The following CNTN3 variants were observed in gnomAD, a reference collection of about 807,000 sequenced individuals.
CNTN3 encodes contactin-3.
In CNTN3, 60 loss-of-function variants were observed where a neutral mutation model predicts 119.1. That is an observed-to-expected ratio of 0.50 (90% CI 0.41 to 0.62). CNTN3 has a LOEUF of 0.62. Ranked by LOEUF, CNTN3 falls within the 20% of genes least tolerant of loss-of-function variation. The pLI, the probability that CNTN3 is intolerant of heterozygous loss-of-function variation, is 0.00. For synonymous variants in CNTN3, 450 were observed against 438.7 expected, an observed-to-expected ratio of 1.03 and a Z score of -0.32; for missense variants, 1,101 against 1,242.4, an observed-to-expected ratio of 0.89 and a Z score of 1.71.
chr3:74,551,337 AGT>A (rs1290042128), intron 1 of CNTN3, among the ~76,000 whole-genome samples: 2 of 152,132 alleles, frequency 1.3e-5, no homozygotes, highest in Admixed American at 6.5e-5. Flanking sequence ...TTTTTAGTGG[AGT>A]GTTAGGTTTC....
intron 4 of CNTN3, among the ~76,000 whole-genome samples, chr3:74,469,766 C>T (rs145102542): frequency 1.7e-3 from 257 of 152,162 alleles, no homozygotes; most frequent in African/African-American, 6.1e-3. Flanking sequence ...TAAATCGGTG[C>T]GGTGACTTTA....
intron 1 of CNTN3, among the ~76,000 whole-genome samples, chr3:74,528,149 A>C (rs976937749): frequency 6.6e-6 from 1 of 151,858 alleles, no homozygotes; most frequent in Non-Finnish European, 1.5e-5. Flanking sequence ...ACAAAGACAA[A>C]TTTAAATAAT....
At chr3:74,496,452 T>C (rs1170468314) in intron 3 of CNTN3, among the ~76,000 whole-genome samples, 2 of 152,070 alleles carry the variant, frequency 1.3e-5, no homozygotes, top group Non-Finnish European at 2.9e-5. Context: ...CATTATTCAA[T>C]ATGTCTATAT....
rs1701626209 is a variant in CNTN3, at chr3:74,264,247, T to G, written c.*154A>C. The stretch of plus-strand genomic sequence containing the variant: ...GCATTTCAGATTCCCCTAAAAGGAT[T>G]TACTGTTTTTTTAATTATATTCATA... On this transcript the variant is annotated 3_prime_UTR_variant, in exon 23 of 23. Coordinates refer to ENST00000263665, the MANE Select transcript of CNTN3 (RefSeq NM_020872.3). 2.3e-6 allele frequency: 1 copy of G among 437,926 alleles called. No homozygotes were observed. The highest frequency in any genetic ancestry group is 4.2e-5 in the Admixed American group (1 of 23,994). 27.1% of individuals were successfully genotyped at this position (437,926 alleles called of 1,614,324 possible).
chr3:74,504,921 T>G (rs1335468712), intron 2 of CNTN3, among the ~76,000 whole-genome samples: 1 of 152,128 alleles, frequency 6.6e-6, no homozygotes, highest in Non-Finnish European at 1.5e-5. Flanking sequence ...GAATTTTTTG[T>G]CTCACAGTTC....
intron 20 of CNTN3, 41 bp downstream of exon 20, chr3:74,285,264 A>G (rs1702087699): frequency 6.5e-7 from 1 of 1,541,550 alleles, no homozygotes; most frequent in East Asian, 2.3e-5. Flanking sequence ...TTTAATGCAA[A>G]CTATTTTCCG....
At chr3:74,606,934 A>G (rs1705002208) in intron 1 of CNTN3, among the ~76,000 whole-genome samples, 1 of 152,218 alleles carries the variant, frequency 6.6e-6, no homozygotes, top group Non-Finnish European at 1.5e-5. Flanking sequence ...AAATAGAAAC[A>G]TGTATATCTC....
At chr3:74,540,552 A>C (rs1703828211) in intron 1 of CNTN3, among the ~76,000 whole-genome samples, 1 of 152,178 alleles carries the variant, frequency 6.6e-6, no homozygotes. Flanking sequence ...AGTGCTTTAT[A>C]TGTATTAATC....
At chr3:74,533,084 C>T (rs1703715764) in intron 1 of CNTN3, among the ~76,000 whole-genome samples, 1 of 152,006 alleles carries the variant, frequency 6.6e-6, no homozygotes, top group South Asian at 2.1e-4. Context: ...GGCTCCTTAT[C>T]AGTGTCTCCA....
chr3:74,352,260 C>T (rs1703832618), intron 11 of CNTN3, among the ~76,000 whole-genome samples: 1 of 152,154 alleles, frequency 6.6e-6, no homozygotes, highest in Non-Finnish European at 1.5e-5. Flanking sequence ...ATTTTACATC[C>T]CTTCCTTTGA....
intron 5 of CNTN3, among the ~76,000 whole-genome samples, chr3:74,394,819 G>A (rs537877756): frequency 4.9e-4 from 74 of 152,224 alleles, no homozygotes; most frequent in Non-Finnish European, 9.9e-4. Context: ...AATCTTAGAA[G>A]ATAGGATTTT....
At chr3:74,504,845 A>G (rs1046101116) in intron 2 of CNTN3, among the ~76,000 whole-genome samples, 3 of 152,118 alleles carry the variant, frequency 2.0e-5, no homozygotes, top group Admixed American at 2.0e-4. Context: ...TAAAAGCCCA[A>G]GAGGGTGTAT....
intron 3 of CNTN3, among the ~76,000 whole-genome samples, chr3:74,498,831 C>T (rs1333707270): frequency 2.2e-4 from 34 of 151,680 alleles, no homozygotes; most frequent in Non-Finnish European, 4.3e-4. Context: ...CATGAAAGAG[C>T]GTGTTGTTTT....
At chr3:74,512,712 A>AG (rs1433801927) in intron 2 of CNTN3, among the ~76,000 whole-genome samples, 1 of 145,834 alleles carries the variant, frequency 6.9e-6, no homozygotes, top group African/African-American at 2.5e-5. Context: ...AAAAAAAAAA[A>AG]AAAGAAAGAA....
rs773643614 is a variant in CNTN3, at chr3:74,266,552, A to G, written c.2915T>C (p.Ile972Thr). 7 of 1,613,406 alleles carry G rather than the reference A, an allele frequency of 4.3e-6. No individual in the cohort carries two copies. Among genetic ancestry groups the G allele is most frequent in the African/African-American group, 1.3e-5 (1 of 74,890 alleles). Reference sequence around the variant, plus strand: ...TCCATCTGTTGTGGCCTTGACTTCAATAATGTAGTCCTCTTTAATGGGCAG... The same window carrying G: ...TCCATCTGTTGTGGCCTTGACTTCAGTAATGTAGTCCTCTTTAATGGGCAG... ...LVLPIKEDYI[I>T]EVKATTDGGD... Residue 972 changes from isoleucine (I) to threonine (T), a missense_variant, in exon 22 of 23, where the codon ATT becomes ACT. By Grantham distance (89) the Ile-to-Thr change is moderately conservative. Coordinates refer to ENST00000263665, the MANE Select transcript of CNTN3 (RefSeq NM_020872.3).
intron 5 of CNTN3, among the ~76,000 whole-genome samples, chr3:74,416,128 T>C (rs1701516461): frequency 6.6e-6 from 1 of 152,182 alleles, no homozygotes; most frequent in South Asian, 2.1e-4. Context: ...TCTAGAACCA[T>C]GTTTTCTAAA....
chr3:74,524,138 G>A (rs532454331), intron 1 of CNTN3, among the ~76,000 whole-genome samples: 3 of 151,872 alleles, frequency 2.0e-5, no homozygotes, highest in South Asian at 2.1e-4. Flanking sequence ...TTCAAAAAAC[G>A]TTATCTTCCC....
At chr3:74,317,951 T>A (rs1414746568) in intron 13 of CNTN3, among the ~76,000 whole-genome samples, 1 of 152,216 alleles carries the variant, frequency 6.6e-6, no homozygotes, top group African/African-American at 2.4e-5. Context: ...TTGGTTCCAT[T>A]CTCCCTGTCA....
intron 5 of CNTN3, among the ~76,000 whole-genome samples, chr3:74,411,617 G>C (rs1701439784): frequency 6.6e-6 from 1 of 152,064 alleles, no homozygotes; most frequent in African/African-American, 2.4e-5. Flanking sequence ...TTACCATTCT[G>C]CAAGAATACA....
Sources: allele counts gnomAD v4.1 joint callset (sites outside exome capture counted in the v4.1 genomes callset), GRCh38; gene constraint gnomAD v4.1.1; transcripts MANE v1.5; gene names NCBI Gene and HGNC (gene_info 2026-07-23, HGNC 2026-07-21).